FOXP1: variants seen among roughly 807,000 people sequenced by gnomAD.
The protein encoded by FOXP1 is forkhead box P1.
FOXP1 carries 15 observed loss-of-function variants against 98.2 expected under a neutral mutation model. That is an observed-to-expected ratio of 0.15 (90% CI 0.10 to 0.24). The LOEUF is 0.24. Ranked by LOEUF, FOXP1 falls within the 10% of genes least tolerant of loss-of-function variation. FOXP1 has a pLI of 1.00. For synonymous variants in FOXP1, 371 were observed against 314.5 expected (o/e 1.18, Z -1.90); for missense variants, 633 against 848.5 (o/e 0.75, Z 3.15).
chr3:71,437,247 A>G (rs966323929), intron 3 of FOXP1, among the ~76,000 whole-genome samples: 5 of 152,120 alleles, frequency 3.3e-5, no homozygotes, highest in African/African-American at 1.2e-4. Flanking sequence ...TCTCTATGAA[A>G]AACACAGAAA....
intron 5 of FOXP1, among the ~76,000 whole-genome samples, chr3:71,242,844 T>C (rs1189501327): frequency 1.3e-5 from 2 of 152,020 alleles, no homozygotes; most frequent in Non-Finnish European, 2.9e-5. Context: ...ATCTAAACAG[T>C]GTTCAAAAAT....
At chr3:71,047,466 C>T (rs1423949102) in intron 9 of FOXP1, among the ~76,000 whole-genome samples, 2 of 152,162 alleles carry the variant, frequency 1.3e-5, no homozygotes, top group Non-Finnish European at 2.9e-5. Context: ...AACCCCGAAC[C>T]TTTGAGGTGT....
At chr3:71,143,409 C>T (rs1192451118) in intron 6 of FOXP1, among the ~76,000 whole-genome samples, 1 of 152,182 alleles carries the variant, frequency 6.6e-6, no homozygotes, top group Non-Finnish European at 1.5e-5. Flanking sequence ...AACCCTGTCT[C>T]TCATCTTCCT....
intron 4 of FOXP1, among the ~76,000 whole-genome samples, chr3:71,306,593 A>G (rs11710042): frequency 0.13 from 19,434 of 147,616 alleles, 1,596 homozygotes; most frequent in Non-Finnish European, 0.19. Flanking sequence ...ATACTCACAC[A>G]TAATACATTC....
At chr3:71,015,181 A>AACC (rs150403113) in intron 12 of FOXP1, among the ~76,000 whole-genome samples, 4,869 of 152,188 alleles carry the variant, frequency 0.032, 269 homozygotes, top group African/African-American at 0.11. Flanking sequence ...CAACAACAAC[A>AACC]ACAACAAAAT....
At chr3:71,572,317 A>G (rs957516320) in intron 2 of FOXP1, 4 of 152,228 alleles carry the variant, frequency 2.6e-5, no homozygotes, top group Admixed American at 2.6e-4. Context: ...ACAAATGAAC[A>G]AATTATGAAG....
chr3:71,403,806 G>A (rs534129904), intron 3 of FOXP1, among the ~76,000 whole-genome samples: 2 of 152,200 alleles, frequency 1.3e-5, no homozygotes, highest in Admixed American at 6.5e-5. Context: ...AGCCAAGATC[G>A]CACCACTGCA....
chr3:71,319,171 T>A (rs2075255744), intron 4 of FOXP1, among the ~76,000 whole-genome samples: 1 of 152,188 alleles, frequency 6.6e-6, no homozygotes, highest in Admixed American at 6.5e-5. Context: ...CATTTTCAAA[T>A]AACCATTGCA....
chr3:71,536,628 T>C (rs2044318910), intron 2 of FOXP1, among the ~76,000 whole-genome samples: 1 of 149,342 alleles, frequency 6.7e-6, no homozygotes, highest in Admixed American at 6.7e-5. Context: ...GCAGCACAGA[T>C]AACACAGCTT....
At chr3:71,564,229 T>G (rs953840088) in intron 2 of FOXP1, among the ~76,000 whole-genome samples, 2 of 152,244 alleles carry the variant, frequency 1.3e-5, no homozygotes. Context: ...AAGGTAGGCT[T>G]CCTTCAGTTT....
At chr3:71,167,126 C>T (rs1576159747) in intron 6 of FOXP1, among the ~76,000 whole-genome samples, 1 of 151,950 alleles carries the variant, frequency 6.6e-6, no homozygotes, top group Non-Finnish European at 1.5e-5. Flanking sequence ...TCCCCTGTGC[C>T]ACAGCAATCT....
chr3:71,000,612 C>A (rs917874961), intron 13 of FOXP1, among the ~76,000 whole-genome samples: 2 of 151,722 alleles, frequency 1.3e-5, no homozygotes, highest in Admixed American at 1.3e-4. Context: ...AGGACTTACA[C>A]TGACAACAGA....
chr3:71,359,000 A>G (rs1265180128), intron 4 of FOXP1, 150 bp downstream of exon 4: 1 of 152,208 alleles, frequency 6.6e-6, no homozygotes, highest in Non-Finnish European at 1.5e-5. Context: ...GGGTAGCAGC[A>G]TTCAAATGCC....
chr3:71,501,295 T>TTTC (rs200671764), intron 2 of FOXP1, among the ~76,000 whole-genome samples: 30,260 of 119,068 alleles, frequency 0.25, 1,827 homozygotes, highest in Non-Finnish European at 0.32. Context: ...ATGCTTTTCT[T>TTTC]TTTTTTTTTT....
At chr3:71,514,411 T>C (rs2042413959) in intron 2 of FOXP1, among the ~76,000 whole-genome samples, 1 of 152,208 alleles carries the variant, frequency 6.6e-6, no homozygotes, top group African/African-American at 2.4e-5. Context: ...ACACCCCTTC[T>C]AACCTCCTAA....
intron 1 of FOXP1, chr3:71,583,369 G>C (rs1417017093): frequency 2.5e-6 from 2 of 807,904 alleles, no homozygotes; most frequent in African/African-American, 3.7e-5. Flanking sequence ...GGGGGGGAGA[G>C]GAAGAGAGGG....
At chr3:70,970,219 T>C (rs1238149877) in intron 19 of FOXP1, 1 of 168,138 alleles carries the variant, frequency 5.9e-6, no homozygotes, top group East Asian at 1.6e-4. Context: ...TAAACACCTC[T>C]ATTGTTTAAA....
At chr3:71,471,227 C>T (rs1047315564) in intron 3 of FOXP1, among the ~76,000 whole-genome samples, 5 of 151,530 alleles carry the variant, frequency 3.3e-5, no homozygotes, top group Non-Finnish European at 1.5e-5. Context: ...AATAAACATA[C>T]ACAAATACAC....
intron 3 of FOXP1, among the ~76,000 whole-genome samples, chr3:71,476,101 G>A (rs182474403): frequency 7.2e-5 from 11 of 152,248 alleles, no homozygotes; most frequent in Admixed American, 7.2e-4. Flanking sequence ...CATCACTAGT[G>A]TGTTAAGTGA....
Sources: allele counts gnomAD v4.1 joint callset (sites outside exome capture counted in the v4.1 genomes callset), GRCh38; gene constraint gnomAD v4.1.1; transcripts MANE v1.5; gene names NCBI Gene and HGNC (gene_info 2026-07-23, HGNC 2026-07-21).